Variants in DDX60 observed in about 807,000 individuals in gnomAD.
DDX60 encodes the protein DExD/H-box helicase 60, also known as probable ATP-dependent RNA helicase DDX60.
Under a neutral mutation model 212.8 loss-of-function variants are expected in DDX60, and 165 were observed. The ratio of observed to expected loss-of-function variants is 0.78; its 90% CI spans 0.68 to 0.88. DDX60 has a LOEUF of 0.88. DDX60 is among the 40% of genes least tolerant of loss of function. The probability of loss-of-function intolerance (pLI) is 0.00; values close to 1 mark genes in which losing one functional copy is unlikely to be tolerated. For synonymous variants in DDX60, 703 were observed against 685.3 expected (o/e 1.03, Z -0.40); for missense variants, 1,905 against 2,003.9 (o/e 0.95, Z 0.94).
intron 6 of DDX60, among the ~76,000 whole-genome samples, chr4:168,300,853 T>A (rs916238493): frequency 1.3e-5 from 2 of 152,104 alleles, no homozygotes; most frequent in Admixed American, 6.5e-5. Flanking sequence ...GAACTGCACA[T>A]AAATCTTATA....
intron 3 of DDX60, among the ~76,000 whole-genome samples, chr4:168,309,116 A>G (rs552969276): frequency 6.6e-6 from 1 of 152,322 alleles, no homozygotes; most frequent in Admixed American, 6.5e-5. Flanking sequence ...ATAACTTTGT[A>G]GCCACTTCTT....
chr4:168,280,393 T>G lies in DDX60; in HGVS notation c.1920A>C (p.Glu640Asp). 1 of 1,614,154 alleles carries G rather than the reference T, an allele frequency of 6.2e-7. No individual in the cohort carries two copies. Among genetic ancestry groups the G allele is most frequent in the Non-Finnish European group, 8.5e-7 (1 of 1,180,012 alleles). The change falls in exon 14 of 38, where the codon GAA becomes GAC. Residue 640 changes from glutamate to aspartate, a missense_variant. Glu to Asp is a conservative substitution (Grantham distance 45, BLOSUM62 2). Transcript: ENST00000393743. Reference sequence around the variant, plus strand: ...TCAAGCAAGCAGTTAACCCCACCATTTCAACCTGAAGTTTCACACAGCTAC... The same window carrying G: ...TCAAGCAAGCAGTTAACCCCACCATGTCAACCTGAAGTTTCACACAGCTAC... The part of the protein sequence containing the change: ...CKSSCVKLQV[E>D]MVGLTACLKA...
chr4:168,282,881 C>T (rs1220707445), intron 13 of DDX60, among the ~76,000 whole-genome samples: 1 of 151,960 alleles, frequency 6.6e-6, no homozygotes, highest in Admixed American at 6.6e-5. Flanking sequence ...TTATTTACTC[C>T]TTGTATTCCA....
At chr4:168,317,776 G>C (rs1737462809) in intron 1 of DDX60, among the ~76,000 whole-genome samples, 4 of 152,104 alleles carry the variant, frequency 2.6e-5, no homozygotes. Context: ...CTTCTTTAAC[G>C]GTATAAGCCA....
upstream of DDX60, among the ~76,000 whole-genome samples, chr4:168,319,349 T>C (rs139626983): frequency 0.012 from 1,800 of 152,208 alleles, 16 homozygotes; most frequent in Non-Finnish European, 0.02. Context: ...AATTTAGAAA[T>C]TGATAAAATG....
chr4:168,236,302 A>C lies in DDX60; in HGVS notation c.4483T>G (p.Tyr1495Asp). The C allele has an allele frequency of 2.5e-6, 4 of 1,611,024 alleles. No individual in the cohort carries two copies. Among genetic ancestry groups the C allele is most frequent in the Non-Finnish European group, 3.4e-6 (4 of 1,178,368 alleles). Residue 1495 changes from tyrosine (Y) to aspartate (D), a missense_variant, in exon 33 of 38, where the codon TAT (tyrosine) becomes GAT (aspartate). Coordinates refer to ENST00000393743, the MANE Select transcript of DDX60 (RefSeq NM_017631.6). ...GCATCTTGGAACTTTGGTGGAAAAT[A>C]TCTTCTTCCAAAGAGATGTGCCAAT... ...LVLAHLFGRR[Y>D]FPPKFQDAHF...
chr4:168,300,627 T>A (rs992132126), intron 6 of DDX60, among the ~76,000 whole-genome samples: 1 of 151,272 alleles, frequency 6.6e-6, no homozygotes, highest in African/African-American at 2.4e-5. Flanking sequence ...GTGTTTCCTA[T>A]ACCTTTCACA....
chr4:168,325,957 C>G, the DDX60 span, among the ~76,000 whole-genome samples: 1 of 152,232 alleles, frequency 6.6e-6, no homozygotes, highest in Non-Finnish European at 1.5e-5. Flanking sequence ...AATTGTCCCA[C>G]AGCAGTCCAT....
chr4:168,295,881 T>C (rs1043060635), intron 6 of DDX60, among the ~76,000 whole-genome samples: 9 of 152,092 alleles, frequency 5.9e-5, no homozygotes, highest in Non-Finnish European at 1.2e-4. Flanking sequence ...CTGGAGGATA[T>C]TATGCTAGGT....
rs751233998 is a variant in DDX60 at position 168,280,550 on chromosome 4, C to G, written c.1763G>C (p.Arg588Thr). ...AEIIARENKK[R>T]LFAREEQKEE... ...CTTTTGTTCTTCCCTGGCAAATAAC[C>G]TTTTCTTATTCTCTCTAGCAATTAT... Residue 588 changes from arginine (R) to threonine (T), a missense_variant, in exon 14 of 38, where the codon AGG becomes ACG. Physicochemically the swap from Arg to Thr is moderately conservative, Grantham distance 71. Transcript: ENST00000393743. The G allele has an allele frequency of 6.2e-7, 1 of 1,613,766 alleles. No individual in the cohort carries two copies. Among genetic ancestry groups the G allele is most frequent in the South Asian group, 1.1e-5 (1 of 91,056 alleles).
intron 6 of DDX60, 118 bp from the exon 7 acceptor site, chr4:168,294,063 A>C (rs1736233097): frequency 1.2e-6 from 1 of 852,968 alleles, no homozygotes; most frequent in African/African-American, 1.7e-5. Context: ...TAATCTGTAC[A>C]ACAAACCCCC....
At chr4:168,317,517 T>C (rs770439059) in intron 1 of DDX60, among the ~76,000 whole-genome samples, 1 of 152,164 alleles carries the variant, frequency 6.6e-6, no homozygotes, top group South Asian at 2.1e-4. Context: ...GGATTCTGTA[T>C]TGGAACAGAA....
In DDX60 at chr4:168,268,921, G is replaced by A; in HGVS notation, c.2719C>T (p.Leu907Phe). 6.3e-7 allele frequency: 1 copy of A among 1,596,336 alleles called. No individual in the cohort carries two copies. The highest frequency in any genetic ancestry group is 8.6e-7 in the Non-Finnish European group (1 of 1,168,864). The change falls in exon 20 of 38, where the codon CTT becomes TTT. Residue 907 changes from leucine (L) to phenylalanine (F), a missense_variant. Physicochemically the swap from Leu to Phe is conservative, Grantham distance 22. Transcript: ENST00000393743. ...AAAAAGGGACATCGGATCATGACAAGGAGATGTTCCCAGATTTCTGCTCCA... is the reference window on the plus strand; with the variant it reads ...AAAAAGGGACATCGGATCATGACAAAGAGATGTTCCCAGATTTCTGCTCCA... ...EIGAEIWEHL[L>F]VMIRCPFLAL... is the part of the protein sequence containing the mutation.
intron 8 of DDX60, among the ~76,000 whole-genome samples, chr4:168,290,313 GTTTTCTTTTC>G (rs1300568151): frequency 6.8e-6 from 1 of 146,114 alleles, no homozygotes; most frequent in Admixed American, 6.9e-5. Flanking sequence ...ATTTCTTTCT[GTTTTCTTTTC>G]TTTTCTTTTT....
intron 30 of DDX60, among the ~76,000 whole-genome samples, chr4:168,239,174 T>C (rs1186661768): frequency 1.3e-5 from 2 of 152,112 alleles, no homozygotes; most frequent in African/African-American, 4.8e-5. Flanking sequence ...AAACAAACAT[T>C]ATTGGCCTTG....
chr4:168,225,630 TCATCTAAAG>T lies in DDX60; in HGVS notation c.4571_4579del (p.Ala1524_Asp1526del), dbSNP rs1733225772. Reference sequence around the variant, plus strand: ...GTCCTCCATAATTTTCATGTTATATTCATCTAAAGCATCACTAAAATCCTCAGGGAGATC... The same window carrying T: ...GTCCTCCATAATTTTCATGTTATATTCATCACTAAAATCCTCAGGGAGATC... On this transcript the variant is annotated inframe_deletion, in exon 34 of 38. Coordinates refer to ENST00000393743, the MANE Select transcript of DDX60 (RefSeq NM_017631.6). 27 of 1,611,876 alleles carry T rather than the reference TCATCTAAAG, an allele frequency of 1.7e-5. No homozygotes were observed. Among genetic ancestry groups the T allele is most frequent in the Non-Finnish European group, 2.3e-5 (27 of 1,178,926 alleles).
intron 29 of DDX60, 85 bp downstream of exon 29, chr4:168,248,103 T>C (rs1734083558): frequency 1.2e-6 from 1 of 847,494 alleles, no homozygotes; most frequent in African/African-American, 1.8e-5. Flanking sequence ...TTGTGGCATG[T>C]TTGTAAACTA....
intron 13 of DDX60, 97 bp downstream of exon 13, chr4:168,283,349 G>A (rs1178194861): frequency 2.0e-5 from 20 of 981,616 alleles, no homozygotes; most frequent in Non-Finnish European, 2.7e-5. Flanking sequence ...TCAAGAAAAG[G>A]CATTATATAA....
intron 8 of DDX60, among the ~76,000 whole-genome samples, chr4:168,290,723 A>C (rs1336723465): frequency 6.6e-6 from 1 of 152,102 alleles, no homozygotes; most frequent in African/African-American, 2.4e-5. Flanking sequence ...TCAGATTATA[A>C]AGCATTCTAT....
Sources: allele counts gnomAD v4.1 joint callset (sites outside exome capture counted in the v4.1 genomes callset), GRCh38; gene constraint gnomAD v4.1.1; transcripts MANE v1.5; gene names NCBI Gene and HGNC (gene_info 2026-07-23, HGNC 2026-07-21).